Variants in PTPRD observed in about 807,000 individuals in gnomAD.
The protein encoded by PTPRD is receptor-type tyrosine-protein phosphatase delta.
PTPRD carries 34 observed loss-of-function variants against 214.5 expected under a neutral mutation model. The observed-to-expected ratio is 0.16, with a 90% CI of 0.12 to 0.21. PTPRD has a LOEUF of 0.21. PTPRD is among the 10% of genes least tolerant of loss of function. The pLI is 1.00. For missense variants in PTPRD, 2,545 were observed against 2,398.7 expected (o/e 1.06, Z -1.27); for synonymous variants, 1,128 against 845.7 (o/e 1.33, Z -5.79).
At chr9:9,052,960 G>T (rs987400285) in intron 10 of PTPRD, among the ~76,000 whole-genome samples, 1 of 152,090 alleles carries the variant, frequency 6.6e-6, no homozygotes, top group South Asian at 2.1e-4. Context: ...AAACATTCTG[G>T]CTAACTTACT....
intron 11 of PTPRD, chr9:8,797,050 C>T (rs529944603): frequency 6.6e-6 from 1 of 152,094 alleles, no homozygotes; most frequent in South Asian, 2.1e-4. Flanking sequence ...TTGGGATAAA[C>T]TGAAAACTGC....
rs2138892602 is a variant in PTPRD at position 8,521,448 on chromosome 9, T to C, written c.790A>G (p.Met264Val). 2 of 1,614,060 alleles carry C rather than the reference T, an allele frequency of 1.2e-6. No individual in the cohort carries two copies. The highest frequency in any genetic ancestry group is 1.7e-6 in the Non-Finnish European group (2 of 1,179,942). ...CCCAACATCCACTTTACATAAGGCA[T>C]TGGTGACCCCACGGCCACACAGGTG... ...NITCVAVGSP[M>V]PYVKWMLGAE... The change falls in exon 20 of 46, where the codon ATG (methionine) becomes GTG (valine). Residue 264 changes from methionine (M) to valine (V), a missense_variant. By Grantham distance (21) the Met-to-Val change is conservative (BLOSUM62 1). Transcript: ENST00000381196.
intron 9 of PTPRD, among the ~76,000 whole-genome samples, chr9:9,339,692 T>G (rs971911727): frequency 1.3e-5 from 2 of 152,198 alleles, no homozygotes; most frequent in Non-Finnish European, 2.9e-5. Flanking sequence ...GAATAGCTAC[T>G]GAATATTTGC....
intron 2 of PTPRD, among the ~76,000 whole-genome samples, chr9:10,456,547 A>G (rs2098918896): frequency 6.6e-6 from 1 of 151,932 alleles, no homozygotes; most frequent in Non-Finnish European, 1.5e-5. Flanking sequence ...GTTTTCATTA[A>G]CAAATGTTAT....
intron 8 of PTPRD, among the ~76,000 whole-genome samples, chr9:9,571,173 G>C (rs944205394): frequency 6.6e-6 from 1 of 151,412 alleles, no homozygotes; most frequent in Non-Finnish European, 1.5e-5. Flanking sequence ...GCAAACACAT[G>C]TATGTTTGCA....
At chr9:8,880,699 A>C (rs544375143) in intron 11 of PTPRD, among the ~76,000 whole-genome samples, 2 of 152,280 alleles carry the variant, frequency 1.3e-5, no homozygotes, top group South Asian at 4.1e-4. Flanking sequence ...TATGTATAAC[A>C]ACACATTTAT....
chr9:10,339,778 G>A (rs754340155), intron 3 of PTPRD, among the ~76,000 whole-genome samples: 4 of 151,614 alleles, frequency 2.6e-5, no homozygotes, highest in Non-Finnish European at 5.9e-5. Flanking sequence ...ACATTGCTCT[G>A]ATGATAGCAA....
chr9:10,251,460 G>T (rs62539731), intron 3 of PTPRD, among the ~76,000 whole-genome samples: 4,433 of 151,594 alleles, frequency 0.029, 128 homozygotes, highest in Non-Finnish European at 0.041. Flanking sequence ...TAAGAGTTGG[G>T]CTCTGTATCT....
intron 43 of PTPRD, among the ~76,000 whole-genome samples, chr9:8,334,367 T>C (rs1038586656): frequency 1.3e-5 from 2 of 149,598 alleles, no homozygotes; most frequent in South Asian, 4.3e-4. Flanking sequence ...AAATTAGAAC[T>C]CAAGATTAAA....
chr9:10,443,787 T>G (rs2098778395), intron 2 of PTPRD, among the ~76,000 whole-genome samples: 2 of 151,274 alleles, frequency 1.3e-5, no homozygotes, highest in Admixed American at 1.3e-4. Context: ...TCAGAAGATG[T>G]TAATTAGAAA....
intron 9 of PTPRD, among the ~76,000 whole-genome samples, chr9:9,380,707 A>G (rs1297779832): frequency 6.6e-6 from 1 of 152,156 alleles, no homozygotes; most frequent in African/African-American, 2.4e-5. Context: ...ATTGATGGAT[A>G]GCGTTGTCAA....
chr9:9,334,877 T>C (rs758445902), intron 9 of PTPRD, among the ~76,000 whole-genome samples: 19 of 151,872 alleles, frequency 1.3e-4, no homozygotes, highest in Non-Finnish European at 1.5e-4. Context: ...AAATCAACAT[T>C]AGATGCTTAC....
At chr9:8,945,914 T>A (rs2099061164) in intron 11 of PTPRD, among the ~76,000 whole-genome samples, 1 of 152,170 alleles carries the variant, frequency 6.6e-6, no homozygotes, top group Admixed American at 6.6e-5. Flanking sequence ...TACATTAAAG[T>A]CATATTCAAG....
At chr9:8,982,900 G>A (rs1453894657) in intron 11 of PTPRD, among the ~76,000 whole-genome samples, 3 of 151,906 alleles carry the variant, frequency 2.0e-5, no homozygotes, top group Non-Finnish European at 4.4e-5. Flanking sequence ...GGCTAATAAT[G>A]TAGCTTCCAT....
chr9:8,776,631 G>A (rs968753181), intron 11 of PTPRD, among the ~76,000 whole-genome samples: 4 of 151,910 alleles, frequency 2.6e-5, no homozygotes, highest in Non-Finnish European at 5.9e-5. Context: ...AATGATGGGG[G>A]TGATCCAATG....
chr9:9,445,444 A>C (rs1015157469), intron 8 of PTPRD, among the ~76,000 whole-genome samples: 1 of 152,160 alleles, frequency 6.6e-6, no homozygotes, highest in Admixed American at 6.5e-5. Context: ...GTCCATTCTC[A>C]TGCTGCTATA....
chr9:9,603,568 C>T (rs191189624), intron 7 of PTPRD, among the ~76,000 whole-genome samples: 339 of 152,118 alleles, frequency 2.2e-3, no homozygotes, highest in African/African-American at 7.7e-3. Context: ...GCTCCACCTC[C>T]TGTGCCATCA....
intron 7 of PTPRD, among the ~76,000 whole-genome samples, chr9:9,610,791 G>C (rs2094472349): frequency 6.6e-6 from 1 of 151,800 alleles, no homozygotes; most frequent in Non-Finnish European, 1.5e-5. Flanking sequence ...GATAGACAAA[G>C]GTAAAAATAA....
intron 7 of PTPRD, among the ~76,000 whole-genome samples, chr9:9,610,757 C>A (rs1476132108): frequency 6.6e-6 from 1 of 151,954 alleles, no homozygotes; most frequent in South Asian, 2.1e-4. Context: ...AAAAGTAATT[C>A]ATTCTCATTG....
Sources: gnomAD v4.1 joint callset for allele counts (sites outside exome capture counted in the v4.1 genomes callset) on GRCh38, gnomAD v4.1.1 for gene constraint, MANE v1.5 for transcripts, NCBI Gene and HGNC (gene_info 2026-07-23, HGNC 2026-07-21) for gene names.